LIN28B: variants seen among roughly 807,000 people sequenced by gnomAD.
LIN28B encodes the protein protein lin-28 homolog B.
In LIN28B, 5 loss-of-function variants were observed where a neutral mutation model predicts 21.9. The ratio of observed to expected loss-of-function variants is 0.23; its 90% CI spans 0.12 to 0.48. LIN28B has a LOEUF of 0.48. Ranked by LOEUF, LIN28B falls within the 20% of genes least tolerant of loss-of-function variation. The pLI, the probability that LIN28B is intolerant of heterozygous loss-of-function variation, is 0.98. For synonymous variants in LIN28B, 109 were observed against 111.3 expected, an observed-to-expected ratio of 0.98 and a Z score of 0.13; for missense variants, 245 against 310.5, an observed-to-expected ratio of 0.79 and a Z score of 1.58.
chr6:105,026,981 A>C (rs1280361213), intron 3 of LIN28B, among the ~76,000 whole-genome samples: 1 of 152,128 alleles, frequency 6.6e-6, no homozygotes, highest in Non-Finnish European at 1.5e-5. Flanking sequence ...ACCTAATAGT[A>C]TATTATAGAA....
At chr6:105,034,308 A>G (rs1318095076) in intron 3 of LIN28B, among the ~76,000 whole-genome samples, 2 of 152,018 alleles carry the variant, frequency 1.3e-5, no homozygotes, top group Admixed American at 1.3e-4. Context: ...TTTTAAAAAT[A>G]ACTTAGAAAA....
At chr6:105,050,183 T>G (rs997615506) in intron 3 of LIN28B, among the ~76,000 whole-genome samples, 3 of 152,218 alleles carry the variant, frequency 2.0e-5, no homozygotes, top group Admixed American at 6.5e-5. Context: ...AGGAGCTCTT[T>G]CAGGGCAGGC....
intron 2 of LIN28B, among the ~76,000 whole-genome samples, chr6:104,949,037 GTT>G (rs757071978): frequency 1.4e-5 from 2 of 143,674 alleles, no homozygotes; most frequent in African/African-American, 2.5e-5. Flanking sequence ...TATTTGCAAA[GTT>G]TTTTTTTTTT....
upstream of LIN28B, among the ~76,000 whole-genome samples, chr6:104,952,381 C>G (rs1414720993): frequency 6.6e-6 from 1 of 152,082 alleles, no homozygotes; most frequent in Non-Finnish European, 1.5e-5. Flanking sequence ...ATTTTTCTAG[C>G]CTGTTACTAT....
chr6:104,952,955 C>A (rs1268845391), upstream of LIN28B, among the ~76,000 whole-genome samples: 1 of 152,180 alleles, frequency 6.6e-6, no homozygotes, highest in Non-Finnish European at 1.5e-5. Flanking sequence ...AGCAAAGCGA[C>A]CCAACTATAT....
chr6:105,077,904 A>G (rs927673064), intron 3 of LIN28B, among the ~76,000 whole-genome samples: 1 of 152,200 alleles, frequency 6.6e-6, no homozygotes, highest in East Asian at 1.9e-4. Context: ...GCTGGTTTCT[A>G]CAGTCAAAAT....
At chr6:104,951,123 A>G (rs919739793) in intron 3 of LIN28B, among the ~76,000 whole-genome samples, 1 of 152,154 alleles carries the variant, frequency 6.6e-6, no homozygotes. Flanking sequence ...GCTTTCTTAT[A>G]TTATTAAAAT....
intron 2 of LIN28B, among the ~76,000 whole-genome samples, chr6:104,944,564 G>T (rs1254163787): frequency 6.6e-6 from 1 of 151,940 alleles, no homozygotes; most frequent in African/African-American, 2.4e-5. Context: ...AAATTATAAT[G>T]ATATTGACCT....
intron 3 of LIN28B, among the ~76,000 whole-genome samples, chr6:105,029,754 C>T (rs554536202): frequency 6.6e-6 from 1 of 152,206 alleles, no homozygotes; most frequent in East Asian, 1.9e-4. Flanking sequence ...GACTTCATGG[C>T]TACAGCTGTA....
chr6:104,942,315 AAT>A (rs1778105886), intron 2 of LIN28B, among the ~76,000 whole-genome samples: 1 of 152,186 alleles, frequency 6.6e-6, no homozygotes, highest in African/African-American at 2.4e-5. Context: ...AGAAAATATT[AAT>A]GTTTCTTTTT....
intron 3 of LIN28B, among the ~76,000 whole-genome samples, chr6:105,050,608 C>CAA (rs61464567): frequency 0.023 from 1,090 of 47,570 alleles, 288 homozygotes; most frequent in African/African-American, 0.064. Flanking sequence ...GACTCCGTCT[C>CAA]AAAAAAAAAA....
intron 3 of LIN28B, among the ~76,000 whole-genome samples, chr6:105,073,748 A>AT (rs1278568779): frequency 6.6e-6 from 1 of 152,032 alleles, no homozygotes; most frequent in Non-Finnish European, 1.5e-5. Context: ...CCTCTTCCCA[A>AT]TTTTTTTCAT....
chr6:104,968,880 T>G (rs979672515), intron 2 of LIN28B, among the ~76,000 whole-genome samples: 5 of 152,194 alleles, frequency 3.3e-5, no homozygotes, highest in Non-Finnish European at 7.4e-5. Context: ...GCTATTGCTT[T>G]AAATATTTAA....
chr6:104,956,328 T>C (rs1366305117), upstream of LIN28B, among the ~76,000 whole-genome samples: 2 of 152,146 alleles, frequency 1.3e-5, no homozygotes, highest in African/African-American at 4.8e-5. Context: ...ACTGGGCTGT[T>C]ATTTAGGAAG....
intron 3 of LIN28B, among the ~76,000 whole-genome samples, chr6:105,047,431 T>C (rs917328370): frequency 3.3e-5 from 5 of 152,208 alleles, no homozygotes. Flanking sequence ...CCTTGTAGTA[T>C]AGTTTGAAGT....
intron 2 of LIN28B, among the ~76,000 whole-genome samples, chr6:104,973,110 CAAA>C (rs574004784): frequency 9.5e-6 from 1 of 105,806 alleles, no homozygotes. Context: ...CACTCTGTCT[CAAA>C]AAAAAAAAAA....
At chr6:105,020,639 A>G (rs1039261285) in intron 2 of LIN28B, among the ~76,000 whole-genome samples, 4 of 151,622 alleles carry the variant, frequency 2.6e-5, no homozygotes, top group Non-Finnish European at 4.4e-5. Context: ...TATTTTTATA[A>G]TTCTTAAATA....
intron 3 of LIN28B, among the ~76,000 whole-genome samples, chr6:105,047,085 T>C (rs1237868692): frequency 2.0e-5 from 3 of 152,132 alleles, no homozygotes; most frequent in East Asian, 1.9e-4. Flanking sequence ...GACATGAAGT[T>C]CTTGCCCATG....
intron 2 of LIN28B, among the ~76,000 whole-genome samples, chr6:104,975,688 T>C (rs1046951917): frequency 1.3e-5 from 2 of 151,712 alleles, no homozygotes; most frequent in Non-Finnish European, 2.9e-5. Flanking sequence ...TTGTTCTGTC[T>C]CCCAGGCTGG....
Sources: gnomAD v4.1 joint callset for allele counts (sites outside exome capture counted in the v4.1 genomes callset) on GRCh38, gnomAD v4.1.1 for gene constraint, MANE v1.5 for transcripts, NCBI Gene and HGNC (gene_info 2026-07-23, HGNC 2026-07-21) for gene names.